The following PEAK1 variants were observed in gnomAD, a reference collection of about 807,000 sequenced individuals.
PEAK1 encodes inactive tyrosine-protein kinase PEAK1.
A neutral mutation model predicts 124.7 loss-of-function variants in PEAK1; 54 were observed. The ratio of observed to expected loss-of-function variants is 0.43; its 90% confidence interval spans 0.35 to 0.54. The LOEUF (loss-of-function observed/expected upper bound fraction) is 0.54, where lower values mean the gene tolerates loss of function less well. Ranked by LOEUF, PEAK1 falls within the 20% of genes least tolerant of loss-of-function variation. The pLI is 0.01. For missense variants in PEAK1, 2,046 were observed against 2,134.5 expected (o/e 0.96, Z 0.82); for synonymous variants, 719 against 760.0 (o/e 0.95, Z 0.89).
At chr15:77,202,747 T>C (rs1225663311) in intron 6 of PEAK1, among the ~76,000 whole-genome samples, 2 of 149,536 alleles carry the variant, frequency 1.3e-5, no homozygotes, top group Admixed American at 6.6e-5. Context: ...CCAGCCTAGG[T>C]GACAGAGTGA....
chr15:77,310,942 A>G (rs767264883), intron 2 of PEAK1, among the ~76,000 whole-genome samples: 10 of 152,198 alleles, frequency 6.6e-5, no homozygotes, highest in Non-Finnish European at 1.2e-4. Context: ...ATAGGAACAA[A>G]TCTATGCAGG....
intron 6 of PEAK1, among the ~76,000 whole-genome samples, chr15:77,221,268 A>T (rs2059378652): frequency 1.3e-5 from 2 of 152,104 alleles, no homozygotes; most frequent in African/African-American, 4.8e-5. Flanking sequence ...ATATAAAATT[A>T]TTATGAGTTT....
chr15:77,253,122 A>T (rs185790235), intron 5 of PEAK1, among the ~76,000 whole-genome samples: 182 of 152,234 alleles, frequency 1.2e-3, no homozygotes, highest in African/African-American at 4.2e-3. Context: ...TTTCACTGTA[A>T]CACCAAACAC....
Position 77,133,414 on chromosome 15 carries a change from C to A in PEAK1, c.3668G>T (p.Arg1223Leu), listed in dbSNP as rs199818872. Residue 1223 changes from arginine (R) to leucine (L), a missense_variant, in exon 9 of 10, where the codon CGC becomes CTC. Coordinates refer to ENST00000682557, the MANE Select transcript of PEAK1 (RefSeq NM_001385026.1). This position sits in a 1 kb window ranked among gnomAD's most constrained non-coding sequence, Gnocchi z 4.2. Reference protein sequence around the residue: ...ESYDSLERPLRKERPVPSAAN... With the variant: ...ESYDSLERPLLKERPVPSAAN... ...TGCTGAGGGGACAGGTCTCTCCTTG[C>A]GCAAAGGCCTTTCCAAGGAGTCATA... The A allele has an allele frequency of 8.1e-6, 13 of 1,614,052 alleles. No homozygotes were observed. In the South Asian group the frequency reaches 8.8e-5, roughly 11 times the overall value.
Position 77,133,268 on chromosome 15 carries a change from G to A in PEAK1, c.3814C>T (p.Gln1272Ter), listed in dbSNP as rs2053031676. Residue 1272 changes from glutamine to a stop codon, truncating the protein, a stop_gained, in exon 9 of 10, where the codon CAG (glutamine) becomes TAG (stop). Coordinates refer to ENST00000682557, the MANE Select transcript of PEAK1 (RefSeq NM_001385026.1). LOFTEE classifies it high-confidence loss of function. This position sits in a 1 kb window ranked among gnomAD's most constrained non-coding sequence, Gnocchi z 4.2. Reference sequence around the variant, plus strand: ...AGTCCTCGATAAAGTGCTTGTCTCTGCGGCTTCTGGATGCCTCGGCCCTGT... The same window carrying A: ...AGTCCTCGATAAAGTGCTTGTCTCTACGGCTTCTGGATGCCTCGGCCCTGT... The part of the protein sequence containing the change: ...CRQGRGIQKP[Q>*]RQALYRGLEN... 1 of 1,614,234 alleles carries A rather than the reference G, an allele frequency of 6.2e-7. No individual in the cohort carries two copies. The highest frequency in any genetic ancestry group is 8.5e-7 in the Non-Finnish European group (1 of 1,180,038).
intron 9 of PEAK1, among the ~76,000 whole-genome samples, chr15:77,121,923 T>C (rs953036907): frequency 6.6e-6 from 1 of 152,184 alleles, no homozygotes; most frequent in Admixed American, 6.5e-5. Context: ...AAAGTACAAC[T>C]GCAAATGGGA....
At chr15:77,268,050 A>C (rs1223078650) in intron 5 of PEAK1, among the ~76,000 whole-genome samples, 1 of 152,252 alleles carries the variant, frequency 6.6e-6, no homozygotes, top group Non-Finnish European at 1.5e-5. Context: ...GGGCACACTT[A>C]GAGAATTGCA....
At chr15:77,202,581 A>G (rs2058414579) in intron 6 of PEAK1, among the ~76,000 whole-genome samples, 1 of 152,076 alleles carries the variant, frequency 6.6e-6, no homozygotes, top group East Asian at 1.9e-4. Flanking sequence ...CCTGGTTAAC[A>G]CGGTGAAACC....
At chr15:77,258,283 T>C (rs1596943354) in intron 5 of PEAK1, among the ~76,000 whole-genome samples, 1 of 152,312 alleles carries the variant, frequency 6.6e-6, no homozygotes, top group East Asian at 1.9e-4. Flanking sequence ...GGTAGCTTGA[T>C]GGGGATGGCA....
At position 77,311,424 on chromosome 15, in the gene PEAK1, C is replaced by T. The variant is rs540976260; in HGVS notation, c.-602-24920G>A. On this transcript the variant is annotated intron_variant, in intron 2 of 9. Transcript: ENST00000682557. ...GGTGCAGTGGCTCACGCCTGTAATC[C>T]CAACACTTTGCGAGGCAGAGGCGGG... Among the ~76,000 whole-genome samples, 5 of 152,118 alleles carry T rather than the reference C, an allele frequency of 3.3e-5. No individual in the cohort carries two copies. In the South Asian group the frequency reaches 1.0e-3, roughly 32 times the overall value.
intron 7 of PEAK1, among the ~76,000 whole-genome samples, chr15:77,172,848 G>A (rs1243123034): frequency 6.6e-6 from 1 of 152,068 alleles, no homozygotes; most frequent in Non-Finnish European, 1.5e-5. Context: ...GACCTCCTGG[G>A]CTCAAACGAT....
At chr15:77,404,217 T>C in intron 1 of PEAK1, 1 of 985,416 alleles carries the variant, frequency 1.0e-6, no homozygotes, top group Non-Finnish European at 1.2e-6. Flanking sequence ...AAAGTGAGTG[T>C]TCAGGATCCA....
Position 77,305,174 on chromosome 15 carries a change from G to A in PEAK1, c.-602-18670C>T, listed in dbSNP as rs796890459. On this transcript the variant is annotated intron_variant, in intron 2 of 9. Transcript: ENST00000682557. ...AGGAAGGAAGGAAGGAGGGAAGAAG[G>A]AAGGAAGGAAGGGAGGGAGGGACGG... 5.4e-3 allele frequency among the ~76,000 whole-genome samples: 639 copies of A among 119,000 alleles called. 5 individuals are homozygous for A. Among genetic ancestry groups the A allele is most frequent in the African/African-American group, 0.018 (592 of 32,914 alleles). 78.1% of individuals were successfully genotyped at this position (119,000 alleles called of 152,430 possible).
rs549310199 is a variant in PEAK1 at position 77,187,867 on chromosome 15, T to G, written c.-114-5827A>C. 1.4e-4 allele frequency among the ~76,000 whole-genome samples: 21 copies of G among 152,320 alleles called. No individual in the cohort carries two copies. The South Asian group carries it at 4.4e-3, about 32-fold the overall frequency. On this transcript the variant is annotated intron_variant, in intron 6 of 9. Transcript: ENST00000682557. ...ACAAGTCAAGGTTCTCACTAGGCTT[T>G]TGTTAAAGAACATGTGGGTCACTTA... is the stretch of plus-strand genomic sequence containing the variant.
intron 2 of PEAK1, among the ~76,000 whole-genome samples, chr15:77,304,368 C>G (rs1268383121): frequency 1.3e-5 from 2 of 151,476 alleles, no homozygotes; most frequent in African/African-American, 4.9e-5. Flanking sequence ...AGTTTTCCAC[C>G]TATAGATATC....
intron 6 of PEAK1, among the ~76,000 whole-genome samples, chr15:77,192,852 T>A (rs964687913): frequency 7.0e-6 from 1 of 142,262 alleles, no homozygotes; most frequent in African/African-American, 3.1e-5. Context: ...GAAAAAAAAA[T>A]TCTTTATATT....
chr15:77,197,287 T>C (rs2058152521), intron 6 of PEAK1, among the ~76,000 whole-genome samples: 1 of 152,184 alleles, frequency 6.6e-6, no homozygotes. Context: ...AACAACAAAA[T>C]TTGTAGTTAC....
In PEAK1 at chr15:77,419,633, G is replaced by A. The variant is rs919876743; in HGVS notation, c.-666+373C>T. On this transcript the variant is annotated intron_variant, in intron 1 of 9. Coordinates refer to ENST00000682557, the MANE Select transcript of PEAK1 (RefSeq NM_001385026.1). ...GCCTCCCCGCGTCCAGCTCCTCCAG[G>A]CTTCACTTTCCCCCGCAACCTCCCA... 5 of 985,066 alleles carry A rather than the reference G, an allele frequency of 5.1e-6. No homozygotes were observed. In the South Asian group the frequency reaches 1.9e-4, roughly 37 times the overall value. 61.0% of individuals were successfully genotyped at this position (985,066 alleles called of 1,614,324 possible). A position where few individuals can be genotyped will look rare whatever the true frequency, so the allele number is the denominator to read the frequency against.
rs558073890 is a variant in PEAK1, at chr15:77,133,589, T to C, written c.3493A>G (p.Thr1165Ala). The change falls in exon 9 of 10, where the codon ACA (threonine) becomes GCA (alanine). Residue 1165 changes from threonine (T) to alanine (A), a missense_variant. Thr to Ala is a moderately conservative substitution (Grantham distance 58). Transcript: ENST00000682557. This position sits in a 1 kb window ranked among gnomAD's most constrained non-coding sequence, Gnocchi z 4.2. ...TGGAGGTCCTTGGAGATTGGCTCTG[T>C]ATTGGCTCTTATGATCATCTTCTTT... ...LPKKMIIRANTEPISKDLQKS... is the reference protein window; with the variant it reads ...LPKKMIIRANAEPISKDLQKS... The C allele has an allele frequency of 3.1e-6, 5 of 1,614,036 alleles. No homozygotes were observed. The highest frequency in any genetic ancestry group is 4.2e-6 in the Non-Finnish European group (5 of 1,180,020).
Sources: allele counts gnomAD v4.1 joint callset (sites outside exome capture counted in the v4.1 genomes callset), GRCh38; gene constraint gnomAD v4.1.1; non-coding constraint Gnocchi (gnomAD v3.1); transcripts MANE v1.5; gene names NCBI Gene and HGNC (gene_info 2026-07-23, HGNC 2026-07-21).